Variants in TUBGCP6 observed in about 807,000 individuals in gnomAD.
TUBGCP6 encodes the protein tubulin gamma complex component 6.
TUBGCP6 carries 161 observed loss-of-function variants against 175.8 expected under a neutral mutation model. The ratio of observed to expected loss-of-function variants is 0.92; its 90% confidence interval spans 0.81 to 1.04. The LOEUF is 1.04. Among genes scored for constraint, TUBGCP6 ranks in the 50% least tolerant of loss-of-function variants. The probability of loss-of-function intolerance (pLI) is 0.00; values close to 1 mark genes in which losing one functional copy is unlikely to be tolerated. For missense variants in TUBGCP6, 2,572 were observed against 2,433.0 expected (o/e 1.06, Z -1.20); for synonymous variants, 1,173 against 1,030.5 (o/e 1.14, Z -2.65).
chr22:50,220,763 C>G lies in TUBGCP6; in HGVS notation c.3596G>C (p.Gly1199Ala), dbSNP rs761638195. The G allele has an allele frequency of 1.2e-6, 2 of 1,604,906 alleles. No individual in the cohort carries two copies. Among genetic ancestry groups the G allele is most frequent in the Non-Finnish European group, 1.7e-6 (2 of 1,177,374 alleles). ...GGGAGCCATGTCTGACACAGACTCC[C>G]CCAAGCTGATGCTGGCATCAGACAC... ...GHVSDASISL[G>A]ESVSDMAPTR... The change falls in exon 16 of 25, where the codon GGG becomes GCG. Residue 1199 changes from glycine (G) to alanine (A), a missense_variant. By Grantham distance (60) the Gly-to-Ala change is moderately conservative (BLOSUM62 0). Transcript: ENST00000248846.
intron 10 of TUBGCP6, among the ~76,000 whole-genome samples, chr22:50,225,577 C>T (rs1016426112): frequency 2.0e-5 from 2 of 99,116 alleles, no homozygotes; most frequent in African/African-American, 7.7e-5. Context: ...TTCATCTCAG[C>T]TCCCCCTTGG....
chr22:50,235,833 A>G (rs2064772151), intron 2 of TUBGCP6, among the ~76,000 whole-genome samples: 1 of 151,876 alleles, frequency 6.6e-6, no homozygotes, highest in Non-Finnish European at 1.5e-5. Context: ...CCAGCTGCTC[A>G]GGAGGCTAAG....
At position 50,220,556 on chromosome 22, in the gene TUBGCP6, GTGTTCCACCGTGGCCGGGT is replaced by G. The variant is rs2147177418; in HGVS notation, c.3784_3802del (p.Thr1262ProfsTer56). ...GTGGGGCGGAGGGATGGGTACATGG[GTGTTCCACCGTGGCCGGGT>G]GGAAACCACATCCGACACAGGCTCC... On this transcript the variant is annotated frameshift_variant, in exon 16 of 25. Coordinates refer to ENST00000248846, the MANE Select transcript of TUBGCP6 (RefSeq NM_020461.4). LOFTEE classifies it high-confidence loss of function. 6.2e-7 allele frequency: 1 copy of G among 1,613,576 alleles called. No individual in the cohort carries two copies. The highest frequency in any genetic ancestry group is 2.2e-5 in the East Asian group (1 of 44,884).
At chr22:50,242,923 T>G (rs1215102362) in intron 1 of TUBGCP6, among the ~76,000 whole-genome samples, 1 of 152,198 alleles carries the variant, frequency 6.6e-6, no homozygotes, top group Non-Finnish European at 1.5e-5. Flanking sequence ...GGCAGCACTG[T>G]CGCTGCAGAG....
Position 50,220,261 on chromosome 22 carries a change from A to C in TUBGCP6, c.4098T>G (p.Ser1366=). 1 of 1,557,720 alleles carries C rather than the reference A, an allele frequency of 6.4e-7. No individual in the cohort carries two copies. Among genetic ancestry groups the C allele is most frequent in the Non-Finnish European group, 8.7e-7 (1 of 1,147,688 alleles). ...WWPNTPGDSV[S]EELGPGRSGD... is the part of the protein sequence containing the mutation. ...CCACCCTACTCTGACCTAGTTCTTC[A>C]GAGACACTGTCTCCCGGGGTGTTGG... is the stretch of plus-strand genomic sequence containing the variant. Residue 1366 remains serine (S), a synonymous_variant, in exon 16 of 25, where the codon TCT becomes TCG. Transcript: ENST00000248846.
intron 1 of TUBGCP6, 108 bp downstream of exon 1, chr22:50,243,611 C>T: frequency 1.1e-6 from 1 of 907,810 alleles, no homozygotes; most frequent in Non-Finnish European, 1.5e-6. Context: ...GAGTGAGACA[C>T]TGTCTCAAAA....
At position 50,244,403 on chromosome 22, in the gene TUBGCP6, G is replaced by T. The variant is rs762343692; in HGVS notation, c.57C>A (p.Ala19=). The T allele has an allele frequency of 6.2e-7, 1 of 1,613,108 alleles. No individual in the cohort carries two copies. Among genetic ancestry groups the T allele is most frequent in the Non-Finnish European group, 8.5e-7 (1 of 1,180,004 alleles). The change falls in exon 1 of 25, where the codon GCC becomes GCA. Residue 19 remains alanine (A), a synonymous_variant. Coordinates refer to ENST00000248846, the MANE Select transcript of TUBGCP6 (RefSeq NM_020461.4). ...DDLCEALLPA[A]KTHLGQRSVN... ...CACTGCGCTGGCCCAGGTGAGTCTT[G>T]GCAGCCGGCAGGAGGGCCTCACACA...
chr22:50,219,553 C>T (rs144625530), intron 18 of TUBGCP6, 91 bp downstream of exon 18: 41,617 of 1,588,404 alleles, frequency 0.026, 617 homozygotes, highest in Non-Finnish European at 0.031. Flanking sequence ...ACTGGCTAGC[C>T]CAGGGCTCCG....
rs146637907 is a variant in TUBGCP6 at position 50,218,344 on chromosome 22, G to C, written c.5013C>G (p.His1671Gln). 4 of 1,612,976 alleles carry C rather than the reference G, an allele frequency of 2.5e-6. No homozygotes were observed. Among genetic ancestry groups the C allele is most frequent in the African/African-American group, 1.3e-5 (1 of 74,946 alleles). Reference sequence around the variant, plus strand: ...TGACCTTCACGAAATGCTGCATCTCGTGCTTGAACAGCTGCAGCTGACGGA... The same window carrying C: ...TGACCTTCACGAAATGCTGCATCTCCTGCTTGAACAGCTGCAGCTGACGGA... ...VQFRQLQLFKHEMQHFVKVIQ... is the reference protein window; with the variant it reads ...VQFRQLQLFKQEMQHFVKVIQ... Residue 1671 changes from histidine (H) to glutamine (Q), a missense_variant, in exon 23 of 25, where the codon CAC becomes CAG. Coordinates refer to ENST00000248846, the MANE Select transcript of TUBGCP6 (RefSeq NM_020461.4).
intron 7 of TUBGCP6, 66 bp from the exon 8 acceptor site, chr22:50,226,444 T>G: frequency 7.0e-7 from 1 of 1,436,130 alleles, no homozygotes; most frequent in East Asian, 2.5e-5. Flanking sequence ...TGGCTGTCAG[T>G]GAGGGGTGGG....
At chr22:50,222,757 A>C (rs536141143) in intron 13 of TUBGCP6, among the ~76,000 whole-genome samples, 165 bp from the exon 14 acceptor site, 2 of 152,354 alleles carry the variant, frequency 1.3e-5, no homozygotes, top group Admixed American at 1.3e-4. Flanking sequence ...CAGCACCTAC[A>C]GGGCAGCACC....
rs542603491 is a variant in TUBGCP6 at position 50,232,556 on chromosome 22, CA to C, written c.1116+759del. Among the ~76,000 whole-genome samples the C allele has an allele frequency of 4.7e-3, 650 of 139,406 alleles. 2 individuals are homozygous for C. Among genetic ancestry groups the C allele is most frequent in the African/African-American group, 0.01 (384 of 38,058 alleles). 91.5% of individuals were successfully genotyped at this position (139,406 alleles called of 152,430 possible). On this transcript the variant is annotated intron_variant, in intron 3 of 24. Coordinates refer to ENST00000248846, the MANE Select transcript of TUBGCP6 (RefSeq NM_020461.4). The stretch of plus-strand genomic sequence containing the variant: ...CCTGGGCAAGAGAGAGACCCTGTCT[CA>C]AAAAAAAAAAAGAGAGTCAGGGTTG...
chr22:50,239,116 T>C (rs962774965), intron 2 of TUBGCP6, among the ~76,000 whole-genome samples: 3 of 152,216 alleles, frequency 2.0e-5, no homozygotes, highest in African/African-American at 7.2e-5. Context: ...GGATCACCAG[T>C]GGACTGGATG....
At chr22:50,236,651 G>A (rs1283690834) in intron 2 of TUBGCP6, among the ~76,000 whole-genome samples, 1 of 152,208 alleles carries the variant, frequency 6.6e-6, no homozygotes. Context: ...AAGAGGGTGG[G>A]CTGGAGGGGG....
chr22:50,237,706 C>T (rs998821619), intron 2 of TUBGCP6, among the ~76,000 whole-genome samples: 2 of 152,250 alleles, frequency 1.3e-5, no homozygotes, highest in African/African-American at 4.8e-5. Flanking sequence ...GAACCACCGC[C>T]GGGCCCCACC....
At chr22:50,235,167 C>T (rs1781590974) in intron 2 of TUBGCP6, among the ~76,000 whole-genome samples, 1 of 70,582 alleles carries the variant, frequency 1.4e-5, no homozygotes, top group Non-Finnish European at 2.8e-5. Context: ...TCCATGGCAG[C>T]ATCTACACCC....
intron 2 of TUBGCP6, among the ~76,000 whole-genome samples, chr22:50,237,496 G>A (rs1569124868): frequency 6.6e-6 from 1 of 152,250 alleles, no homozygotes; most frequent in Non-Finnish European, 1.5e-5. Flanking sequence ...GTAAACTCAG[G>A]TCCAGCCACT....
chr22:50,229,309 T>G, intron 4 of TUBGCP6, 95 bp downstream of exon 4: 1 of 1,371,626 alleles, frequency 7.3e-7, no homozygotes, highest in Non-Finnish European at 1.0e-6. Context: ...GTTTAGACTC[T>G]CTGGTCCTGC....
chr22:50,219,676 A>C lies in TUBGCP6; in HGVS notation c.4283T>G (p.Leu1428Trp). The C allele has an allele frequency of 6.2e-7, 1 of 1,613,702 alleles. No homozygotes were observed. The highest frequency in any genetic ancestry group is 8.5e-7 in the Non-Finnish European group (1 of 1,179,972). ...YLAGLAGQYH[L>W]ERYPDSYESM... ...CTCGTAACTGTCCGGGTACCGCTCC[A>C]AGTGGTACTGCCCTGCCAGGCCTGC... The change falls in exon 18 of 25, where the codon TTG becomes TGG. Residue 1428 changes from leucine (L) to tryptophan (W), a missense_variant. Transcript: ENST00000248846.
Sources: allele counts gnomAD v4.1 joint callset (sites outside exome capture counted in the v4.1 genomes callset), GRCh38; gene constraint gnomAD v4.1.1; transcripts MANE v1.5; gene names NCBI Gene and HGNC (gene_info 2026-07-23, HGNC 2026-07-21).